Variants in ZCCHC14 observed in about 807,000 individuals in gnomAD.
ZCCHC14 encodes the protein zinc finger CCHC-type containing 14.
In ZCCHC14, 16 loss-of-function variants were observed where a neutral mutation model predicts 85.0. The ratio of observed to expected loss-of-function variants is 0.19; its 90% CI spans 0.13 to 0.29. ZCCHC14 has a LOEUF of 0.29. Among genes scored for constraint, ZCCHC14 ranks in the 10% least tolerant of loss-of-function variants. ZCCHC14 has a pLI of 1.00. For synonymous variants in ZCCHC14, 775 were observed against 630.7 expected (o/e 1.23, Z -3.43); for missense variants, 1,303 against 1,443.5 (o/e 0.90, Z 1.58).
At chr16:87,490,982 A>C (rs9938082) in intron 1 of ZCCHC14, among the ~76,000 whole-genome samples, 27,917 of 152,190 alleles carry the variant, frequency 0.18, 3,088 homozygotes, top group East Asian at 0.45. Context: ...GGGAAGCCCC[A>C]GCGCCTTGCA....
At chr16:87,456,306 G>A (rs932071661) in intron 2 of ZCCHC14, among the ~76,000 whole-genome samples, 4 of 151,890 alleles carry the variant, frequency 2.6e-5, no homozygotes, top group East Asian at 1.9e-4. Flanking sequence ...CGAGGCGGGC[G>A]GATCACGAGG....
At chr16:87,471,809 AG>A (rs1911784935) in intron 1 of ZCCHC14, 1 of 152,260 alleles carries the variant, frequency 6.6e-6, no homozygotes, top group Admixed American at 6.5e-5. Flanking sequence ...CAGGGTTCAA[AG>A]GGCATCTTAA....
intron 2 of ZCCHC14, among the ~76,000 whole-genome samples, chr16:87,452,401 CT>C (rs1441700671): frequency 5.3e-5 from 8 of 152,158 alleles, no homozygotes; most frequent in Non-Finnish European, 1.2e-4. Context: ...GACTTGGAGT[CT>C]GTAAGGGTCT....
intron 2 of ZCCHC14, among the ~76,000 whole-genome samples, chr16:87,446,483 C>CAAA (rs11364740): frequency 1.4e-5 from 2 of 144,278 alleles, no homozygotes; most frequent in Non-Finnish European, 3.0e-5. Flanking sequence ...GACTCCATCT[C>CAAA]AAAAAAAAAA....
intron 2 of ZCCHC14, among the ~76,000 whole-genome samples, chr16:87,459,141 G>A (rs939439546): frequency 6.6e-6 from 1 of 152,190 alleles, no homozygotes; most frequent in Non-Finnish European, 1.5e-5. Context: ...CCACGTGTAC[G>A]TTAAAGAAAA....
intron 1 of ZCCHC14, among the ~76,000 whole-genome samples, chr16:87,475,041 C>T (rs1911938342): frequency 6.6e-6 from 1 of 152,170 alleles, no homozygotes; most frequent in Non-Finnish European, 1.5e-5. Context: ...ATCCAAGAAG[C>T]AATCCACAAT....
At chr16:87,410,687 T>A (rs1179040043) in intron 12 of ZCCHC14, among the ~76,000 whole-genome samples, 2 of 152,304 alleles carry the variant, frequency 1.3e-5, no homozygotes, top group South Asian at 4.1e-4. Context: ...CCTCTGGAGA[T>A]GCAGCCAGCT....
At chr16:87,481,671 A>G (rs1294498177) in intron 1 of ZCCHC14, among the ~76,000 whole-genome samples, 1 of 151,676 alleles carries the variant, frequency 6.6e-6, no homozygotes, top group Admixed American at 6.6e-5. Context: ...AGACAAATCT[A>G]AAGATATTTA....
At chr16:87,430,935 T>C (rs1909626395) in intron 3 of ZCCHC14, among the ~76,000 whole-genome samples, 1 of 150,272 alleles carries the variant, frequency 6.7e-6, no homozygotes, top group African/African-American at 2.5e-5. Context: ...AGCAGGGGAG[T>C]TTGAGACCAG....
At chr16:87,459,240 G>A (rs1352278699) in intron 2 of ZCCHC14, among the ~76,000 whole-genome samples, 1 of 152,170 alleles carries the variant, frequency 6.6e-6, no homozygotes, top group Non-Finnish European at 1.5e-5. Flanking sequence ...AGTGCAGGTG[G>A]AAAACACTCC....
Position 87,482,525 on chromosome 16 carries a change from A to G in ZCCHC14, c.570+9144T>C, listed in dbSNP as rs2334192. Among the ~76,000 whole-genome samples the G allele has an allele frequency of 5.1e-3, 782 of 152,250 alleles. 5 individuals are homozygous for G. The highest frequency in any genetic ancestry group is 7.7e-3 in the Non-Finnish European group (526 of 68,014). On this transcript the variant is annotated intron_variant, in intron 1 of 12. Coordinates refer to ENST00000671377, the MANE Select transcript of ZCCHC14 (RefSeq NM_015144.3). ...CACAGCCATATTTATCCCAAACAAA[A>G]TCCCCCAAAAAAACCCTTCCTGGGG...
chr16:87,423,092 A>G (rs1260042371), intron 4 of ZCCHC14, among the ~76,000 whole-genome samples: 1 of 152,264 alleles, frequency 6.6e-6, no homozygotes, highest in East Asian at 1.9e-4. Flanking sequence ...CCCATTCACA[A>G]AGCTGACTGC....
intron 3 of ZCCHC14, among the ~76,000 whole-genome samples, chr16:87,426,466 A>G (rs1482857742): frequency 6.6e-6 from 1 of 152,214 alleles, no homozygotes; most frequent in Non-Finnish European, 1.5e-5. Flanking sequence ...CATCTTCATC[A>G]CACCCCAAAG....
At chr16:87,435,304 AAGAACCACGCT>A (rs1402111980) in intron 2 of ZCCHC14, among the ~76,000 whole-genome samples, 2 of 152,206 alleles carry the variant, frequency 1.3e-5, no homozygotes, top group East Asian at 3.9e-4. Context: ...AGTTGTCCTG[AAGAACCACGCT>A]GAGGGTTCTG....
chr16:87,475,273 C>G (rs1161438248), intron 1 of ZCCHC14, among the ~76,000 whole-genome samples: 1 of 152,122 alleles, frequency 6.6e-6, no homozygotes, highest in Non-Finnish European at 1.5e-5. Context: ...ATTCCAGGGC[C>G]AGGTGCAGTG....
intron 1 of ZCCHC14, among the ~76,000 whole-genome samples, chr16:87,466,953 G>A (rs147620492): frequency 1.7e-3 from 257 of 151,034 alleles, no homozygotes; most frequent in African/African-American, 5.9e-3. Context: ...GACCTGAACA[G>A]TATTCACATC....
chr16:87,467,461 G>A (rs1381798541), intron 1 of ZCCHC14: 2 of 1,606,838 alleles, frequency 1.2e-6, no homozygotes, highest in African/African-American at 1.3e-5. Context: ...TCTGTTCACG[G>A]TGTGAGTACC....
rs1173279508 is a variant in ZCCHC14, at chr16:87,415,311, T to C, written c.1440A>G (p.Ala480=). The C allele has an allele frequency of 1.9e-6, 3 of 1,614,020 alleles. No homozygotes were observed. The highest frequency in any genetic ancestry group is 1.7e-6 in the Non-Finnish European group (2 of 1,179,990). The change falls in exon 9 of 13, where the codon GCA becomes GCG. Residue 480 remains alanine, a synonymous_variant. Coordinates refer to ENST00000671377, the MANE Select transcript of ZCCHC14 (RefSeq NM_015144.3). The part of the protein sequence containing the change: ...LNKFESLTMG[A]KKKLKTQLEL... ...CCAGCTGGGTCTTGAGCTTCTTCTT[T>C]GCCCCCATGGTAAGAGACTCAAATT... is the stretch of plus-strand genomic sequence containing the variant.
intron 3 of ZCCHC14, among the ~76,000 whole-genome samples, chr16:87,426,658 G>T (rs1909386412): frequency 6.6e-6 from 1 of 152,204 alleles, no homozygotes; most frequent in African/African-American, 2.4e-5. Context: ...CACCTCTGGG[G>T]GCAGGGCTCA....
Sources: allele counts gnomAD v4.1 joint callset (sites outside exome capture counted in the v4.1 genomes callset), GRCh38; gene constraint gnomAD v4.1.1; transcripts MANE v1.5; gene names NCBI Gene and HGNC (gene_info 2026-07-23, HGNC 2026-07-21).